The following ASAP1 variants were observed in gnomAD, a reference collection of about 807,000 sequenced individuals.
ASAP1 encodes the protein ArfGAP with SH3 domain, ankyrin repeat and PH domain 1.
Under a neutral mutation model 145.2 loss-of-function variants are expected in ASAP1, and 43 were observed. The ratio of observed to expected loss-of-function variants is 0.30; its 90% confidence interval spans 0.23 to 0.38. ASAP1 has a LOEUF of 0.38. Among genes scored for constraint, ASAP1 ranks in the 10% least tolerant of loss-of-function variants. The pLI, the probability that ASAP1 is intolerant of heterozygous loss-of-function variation, is 1.00. For synonymous variants in ASAP1, 546 were observed against 515.5 expected, an observed-to-expected ratio of 1.06 and a Z score of -0.80; for missense variants, 1,018 against 1,355.3, an observed-to-expected ratio of 0.75 and a Z score of 3.91.
intron 3 of ASAP1, among the ~76,000 whole-genome samples, chr8:130,351,907 T>A (rs1403515964): frequency 6.6e-6 from 1 of 152,236 alleles, no homozygotes; most frequent in Non-Finnish European, 1.5e-5. Flanking sequence ...GGCTTGTGCC[T>A]TGTTTTAGAA....
At chr8:130,403,876 T>C (rs896179680) in intron 1 of ASAP1, among the ~76,000 whole-genome samples, 1 of 152,166 alleles carries the variant, frequency 6.6e-6, no homozygotes, top group Non-Finnish European at 1.5e-5. Context: ...TCTTAGATCC[T>C]GGAACATGCT....
At chr8:130,313,888 C>T (rs1823507333) in intron 3 of ASAP1, among the ~76,000 whole-genome samples, 1 of 152,178 alleles carries the variant, frequency 6.6e-6, no homozygotes, top group African/African-American at 2.4e-5. Flanking sequence ...CTGCACTCGA[C>T]ACCACGTCCC....
At chr8:130,101,150 T>C (rs2097528053) in intron 24 of ASAP1, among the ~76,000 whole-genome samples, 2 of 152,248 alleles carry the variant, frequency 1.3e-5, no homozygotes, top group African/African-American at 4.8e-5. Context: ...CATTTGTTTT[T>C]ACACCAATAC....
chr8:130,128,241 T>C (rs2097578208), intron 15 of ASAP1, 151 bp from the exon 16 acceptor site: 1 of 501,778 alleles, frequency 2.0e-6, no homozygotes. Context: ...AGCAATAAAG[T>C]GAGGAAAAAC....
At chr8:130,422,790 T>C (rs1829772649) in intron 1 of ASAP1, among the ~76,000 whole-genome samples, 1 of 152,192 alleles carries the variant, frequency 6.6e-6, no homozygotes, top group African/African-American at 2.4e-5. Flanking sequence ...ATCTCCACTG[T>C]CATTTGTGAA....
chr8:130,074,302 AAAG>A (rs1459193207), intron 27 of ASAP1, among the ~76,000 whole-genome samples: 14 of 152,180 alleles, frequency 9.2e-5, no homozygotes, highest in African/African-American at 3.4e-4. Context: ...GAACTAGATG[AAAG>A]AAGATCAGGT....
intron 1 of ASAP1, among the ~76,000 whole-genome samples, chr8:130,426,348 A>G (rs1261569532): frequency 6.6e-6 from 1 of 151,950 alleles, no homozygotes; most frequent in Admixed American, 6.6e-5. Flanking sequence ...TCTTTTCTTT[A>G]TAAATTATCC....
chr8:130,172,078 T>C (rs1813629128), intron 9 of ASAP1, among the ~76,000 whole-genome samples: 1 of 152,196 alleles, frequency 6.6e-6, no homozygotes, highest in Non-Finnish European at 1.5e-5. Flanking sequence ...TTAACTTCTC[T>C]TGGCCTCAGT....
chr8:130,365,909 G>A (rs970185312), intron 2 of ASAP1, among the ~76,000 whole-genome samples: 1 of 152,204 alleles, frequency 6.6e-6, no homozygotes, highest in Non-Finnish European at 1.5e-5. Flanking sequence ...ATCCACAGAA[G>A]TGATCCCGGT....
intron 3 of ASAP1, among the ~76,000 whole-genome samples, chr8:130,255,818 G>A (rs1038620747): frequency 6.6e-6 from 1 of 152,138 alleles, no homozygotes; most frequent in Admixed American, 6.6e-5. Flanking sequence ...TACCAGAAAT[G>A]TCACAAAAAT....
intron 27 of ASAP1, among the ~76,000 whole-genome samples, chr8:130,070,348 T>C (rs891358339): frequency 6.6e-6 from 1 of 152,224 alleles, no homozygotes; most frequent in African/African-American, 2.4e-5. Flanking sequence ...ACTGCATCTC[T>C]TTTATTTGAT....
At chr8:130,153,339 A>ATATATATATG (rs2097650942) in intron 12 of ASAP1, among the ~76,000 whole-genome samples, 1 of 47,744 alleles carries the variant, frequency 2.1e-5, no homozygotes, top group Non-Finnish European at 4.5e-5. Context: ...TTAAATATAT[A>ATATATATATG]TATATATATA....
At chr8:130,114,106 G>C (rs2097550980) in intron 23 of ASAP1, among the ~76,000 whole-genome samples, 1 of 152,134 alleles carries the variant, frequency 6.6e-6, no homozygotes. Context: ...AAGATGATCT[G>C]AGATAACGTA....
At chr8:130,141,539 G>C (rs1405089279) in intron 13 of ASAP1, among the ~76,000 whole-genome samples, 1 of 151,954 alleles carries the variant, frequency 6.6e-6, no homozygotes, top group African/African-American at 2.4e-5. Flanking sequence ...TTTGCTTCCT[G>C]TCTTCCTTCT....
intron 3 of ASAP1, among the ~76,000 whole-genome samples, chr8:130,270,157 G>A (rs1034636157): frequency 2.0e-5 from 3 of 152,308 alleles, no homozygotes; most frequent in East Asian, 1.9e-4. Context: ...GTGACAGAGC[G>A]AGAATCTTGT....
At chr8:130,242,720 C>T (rs970400723) in intron 3 of ASAP1, among the ~76,000 whole-genome samples, 7 of 152,144 alleles carry the variant, frequency 4.6e-5, no homozygotes, top group African/African-American at 1.7e-4. Flanking sequence ...AAGGCATAAG[C>T]TCTTTCTATG....
At chr8:130,092,346 C>T (rs1412184067) in intron 24 of ASAP1, among the ~76,000 whole-genome samples, 1 of 151,976 alleles carries the variant, frequency 6.6e-6, no homozygotes, top group African/African-American at 2.4e-5. Flanking sequence ...ATAAAATTGG[C>T]CAGGTGCAGT....
At chr8:130,294,957 C>T (rs552066857) in intron 3 of ASAP1, among the ~76,000 whole-genome samples, 1 of 152,022 alleles carries the variant, frequency 6.6e-6, no homozygotes, top group African/African-American at 2.4e-5. Context: ...GGATTAACAG[C>T]GAGAGGAATA....
At chr8:130,349,139 G>C (rs188082085) in intron 3 of ASAP1, among the ~76,000 whole-genome samples, 11 of 152,322 alleles carry the variant, frequency 7.2e-5, no homozygotes, top group African/African-American at 2.6e-4. Flanking sequence ...CCCACTAAGG[G>C]CTGATTATAC....
Sources: gnomAD v4.1 joint callset for allele counts (sites outside exome capture counted in the v4.1 genomes callset) on GRCh38, gnomAD v4.1.1 for gene constraint, MANE v1.5 for transcripts, NCBI Gene and HGNC (gene_info 2026-07-23, HGNC 2026-07-21) for gene names.